B3GALT5: variants seen among roughly 807,000 people sequenced by gnomAD.
B3GALT5 encodes UDP-Gal:betaGlcNAc beta 1,3-galactosyltransferase, polypeptide 5.
For missense variants in B3GALT5, 328 were observed against 396.6 expected, an observed-to-expected ratio of 0.83 and a Z score of 1.47; for synonymous variants, 156 against 158.6, an observed-to-expected ratio of 0.98 and a Z score of 0.12.
intron 1 of B3GALT5, among the ~76,000 whole-genome samples, chr21:39,639,462 TTCTCTC>T (rs1555926237): frequency 1.5e-5 from 2 of 132,392 alleles, no homozygotes; most frequent in African/African-American, 6.2e-5. Flanking sequence ...CTTTTTTTCT[TTCTCTC>T]TCTCTCTCTC....
Position 39,665,412 on chromosome 21 carries a change from C to T in B3GALT5, c.*3920C>T. 6.6e-6 allele frequency: 1 copy of T among 152,234 alleles called. No individual in the cohort carries two copies. Among genetic ancestry groups the T allele is most frequent in the East Asian group, 1.9e-4 (1 of 5,196 alleles). 9.4% of individuals were successfully genotyped at this position (152,234 alleles called of 1,614,324 possible). A position where few individuals can be genotyped will look rare whatever the true frequency, so the allele number is the denominator to read the frequency against. ...ATCCAGAGTGATCCTTTGAAAATCT[C>T]ATTTCTCTGCTCAAAACCCTCCTGA... On this transcript the variant is annotated 3_prime_UTR_variant, in exon 4 of 4. Transcript: ENST00000684187.
At position 39,628,370 on chromosome 21, in the gene B3GALT5, T is replaced by C. The variant is rs531618599; in HGVS notation, c.-392+15303T>C. Among the ~76,000 whole-genome samples the C allele has an allele frequency of 2.0e-4, 31 of 152,304 alleles. No individual in the cohort carries two copies. The South Asian group carries it at 6.4e-3, about 32-fold the overall frequency. On this transcript the variant is annotated intron_variant, in intron 1 of 3. Coordinates refer to ENST00000684187, the MANE Select transcript of B3GALT5 (RefSeq NM_001356336.2). ...GGGTATCCATCACCCGAGTAACGTG[T>C]ATTGTACCCGTTAAGTAATTTCTCA...
chr21:39,626,785 C>T (rs1219931269), intron 1 of B3GALT5, among the ~76,000 whole-genome samples: 1 of 151,044 alleles, frequency 6.6e-6, no homozygotes, highest in African/African-American at 2.4e-5. Flanking sequence ...TTTAAACTGG[C>T]GTTTTTGTTT....
In B3GALT5 at chr21:39,661,276, T is replaced by C; in HGVS notation, c.717T>C (p.Ile239=). 1 of 1,614,128 alleles carries C rather than the reference T, an allele frequency of 6.2e-7. No homozygotes were observed. Among genetic ancestry groups the C allele is most frequent in the Non-Finnish European group, 8.5e-7 (1 of 1,180,038 alleles). ...VYNVSKSVPY[I]KLEDVFVGLC... ...ATGTCTCCAAGAGCGTCCCATACAT[T>C]AAACTGGAAGACGTGTTTGTGGGGC... Residue 239 remains isoleucine, a synonymous_variant, in exon 4 of 4, where the codon ATT becomes ATC. Transcript: ENST00000684187. The surrounding 1 kb of genome is among the most constrained non-coding windows in gnomAD (Gnocchi z 4.7).
At chr21:39,617,763 C>T (rs2079114198) in intron 1 of B3GALT5, among the ~76,000 whole-genome samples, 1 of 152,124 alleles carries the variant, frequency 6.6e-6, no homozygotes, top group Non-Finnish European at 1.5e-5. Flanking sequence ...TTTAAAAGCT[C>T]ATCAGCTATC....
At chr21:39,650,114 T>G (rs2079380985) in intron 2 of B3GALT5, among the ~76,000 whole-genome samples, 1 of 152,138 alleles carries the variant, frequency 6.6e-6, no homozygotes, top group Non-Finnish European at 1.5e-5. Flanking sequence ...AGAAGAGGCT[T>G]CCCGAGGCAG....
In B3GALT5 at chr21:39,658,202, C is replaced by G. The variant is rs562024912; in HGVS notation, c.-160-1551C>G. Among the ~76,000 whole-genome samples, 31 of 152,236 alleles carry G rather than the reference C, an allele frequency of 2.0e-4. 1 individual carries two copies. In the South Asian group the frequency reaches 5.6e-3, roughly 28 times the overall value. ...CTCCACTTTAGGCAGGAAAAATGTT[C>G]AACTGCCCATGAAAACAAATGACCC... On this transcript the variant is annotated intron_variant, in intron 2 of 3. Coordinates refer to ENST00000684187, the MANE Select transcript of B3GALT5 (RefSeq NM_001356336.2).
intron 1 of B3GALT5, among the ~76,000 whole-genome samples, chr21:39,629,019 T>A (rs74971027): frequency 6.8e-6 from 1 of 146,904 alleles, no homozygotes; most frequent in African/African-American, 2.5e-5. Flanking sequence ...CTTAACATCC[T>A]TTTTTTTTTT....
In B3GALT5 at chr21:39,657,667, GTCTA is replaced by G. The variant is rs1240763986; in HGVS notation, c.-160-2074_-160-2071del. On this transcript the variant is annotated intron_variant, in intron 2 of 3. Transcript: ENST00000684187. ...GAAATTTCTTCTCATCTATCTGTCT[GTCTA>G]TCTATCTATCTGTCTACCTACCGAC... 4.1e-4 allele frequency: 100 copies of G among 245,922 alleles called. 1 individual carries two copies. The highest frequency in any genetic ancestry group is 1.9e-3 in the African/African-American group (69 of 35,580). 15.2% of individuals were successfully genotyped at this position (245,922 alleles called of 1,614,324 possible).
In B3GALT5 at chr21:39,662,363, G is replaced by C. The variant is rs1393641463; in HGVS notation, c.*871G>C. ...CAACTGTCCCTTGTTTTTGATCAATGGGGACCAGCCACTGCCCCAGGAGCA... is the reference window on the plus strand; with the variant it reads ...CAACTGTCCCTTGTTTTTGATCAATCGGGACCAGCCACTGCCCCAGGAGCA... On this transcript the variant is annotated 3_prime_UTR_variant, in exon 4 of 4. Transcript: ENST00000684187. 6.0e-6 allele frequency: 1 copy of C among 167,024 alleles called. No individual in the cohort carries two copies. The highest frequency in any genetic ancestry group is 1.9e-4 in the East Asian group (1 of 5,198). The allele number at this position is 167,024 out of a possible 1,614,324, so 10.3% of individuals were successfully genotyped here.
rs1157730599 is a variant in B3GALT5 at position 39,668,370 on chromosome 21, C to T, written c.*6878C>T. The T allele has an allele frequency of 6.6e-6, 1 of 152,224 alleles. No individual in the cohort carries two copies. The highest frequency in any genetic ancestry group is 1.5e-5 in the Non-Finnish European group (1 of 68,054). The allele number at this position is 152,224 out of a possible 1,614,324, so 9.4% of individuals were successfully genotyped here. A position where few individuals can be genotyped will look rare whatever the true frequency, so the allele number is the denominator to read the frequency against. On this transcript the variant is annotated 3_prime_UTR_variant, in exon 4 of 4. Transcript: ENST00000684187. The stretch of plus-strand genomic sequence containing the variant: ...GGCTCTAAGCTAGCCTCTGCAAACT[C>T]AGGATATATATTCCAAATATCCCTG...
intron 1 of B3GALT5, 29 bp downstream of exon 1, chr21:39,613,096 C>G (rs917777708): frequency 8.8e-5 from 13 of 147,988 alleles, no homozygotes; most frequent in African/African-American, 2.9e-4. Flanking sequence ...GCGCGGGGCG[C>G]GGGGAGCGCT....
Position 39,665,070 on chromosome 21 carries a change from A to G in B3GALT5, c.*3578A>G, listed in dbSNP as rs566655103. 1.3e-5 allele frequency: 2 copies of G among 152,308 alleles called. No individual in the cohort carries two copies. Among genetic ancestry groups the G allele is most frequent in the African/African-American group, 4.8e-5 (2 of 41,486 alleles). The allele number at this position is 152,308 out of a possible 1,614,324, so 9.4% of individuals were successfully genotyped here. A position where few individuals can be genotyped will look rare whatever the true frequency, so the allele number is the denominator to read the frequency against. On this transcript the variant is annotated 3_prime_UTR_variant, in exon 4 of 4. Coordinates refer to ENST00000684187, the MANE Select transcript of B3GALT5 (RefSeq NM_001356336.2). ...CCTACCTGATTTCCCATAGTGAACA[A>G]TCCAACACTGACCTTCTGGTTAACT...
chr21:39,615,242 G>A (rs2079101339), intron 1 of B3GALT5, among the ~76,000 whole-genome samples: 1 of 152,176 alleles, frequency 6.6e-6, no homozygotes, highest in Non-Finnish European at 1.5e-5. Context: ...AAGCTTTGTG[G>A]CTGACCTCTT....
At chr21:39,647,665 C>T (rs1271814357) in intron 2 of B3GALT5, among the ~76,000 whole-genome samples, 1 of 152,120 alleles carries the variant, frequency 6.6e-6, no homozygotes, top group Non-Finnish European at 1.5e-5. Context: ...TAAAGTCTTC[C>T]TCTTCCTTCC....
chr21:39,641,173 A>G (rs556194945), intron 1 of B3GALT5, among the ~76,000 whole-genome samples: 1 of 152,336 alleles, frequency 6.6e-6, no homozygotes, highest in African/African-American at 2.4e-5. Context: ...AAAGTTCGGG[A>G]TATTAGCTAG....
intron 1 of B3GALT5, among the ~76,000 whole-genome samples, chr21:39,643,557 T>A (rs1009745204): frequency 1.3e-5 from 2 of 152,228 alleles, no homozygotes; most frequent in Non-Finnish European, 2.9e-5. Context: ...AGGAGAACAA[T>A]TGAGCTTTTT....
rs565856298 is a variant in B3GALT5 at position 39,637,392 on chromosome 21, A to G, written c.-391-9000A>G. ...CAGGCATTGCATGCCAAAGCCCATC[A>G]GGTACGAGGTAACACCCAGTCCAAC... is the stretch of plus-strand genomic sequence containing the variant. On this transcript the variant is annotated intron_variant, in intron 1 of 3. Transcript: ENST00000684187. 5.3e-5 allele frequency among the ~76,000 whole-genome samples: 8 copies of G among 152,374 alleles called. No homozygotes were observed. The South Asian group carries it at 1.7e-3, about 32-fold the overall frequency.
chr21:39,651,153 A>G (rs2079391980), intron 2 of B3GALT5, among the ~76,000 whole-genome samples: 1 of 152,186 alleles, frequency 6.6e-6, no homozygotes, highest in Admixed American at 6.5e-5. Flanking sequence ...ACCCCAAAAC[A>G]TGACATCCTT....
Sources: gnomAD v4.1 joint callset for allele counts (sites outside exome capture counted in the v4.1 genomes callset) on GRCh38, gnomAD v4.1.1 for gene constraint, Gnocchi (gnomAD v3.1) non-coding constraint, MANE v1.5 for transcripts, NCBI Gene and HGNC (gene_info 2026-07-23, HGNC 2026-07-21) for gene names.